The following ELK3 variants were observed in gnomAD, a reference collection of about 807,000 sequenced individuals.
ELK3 encodes ETS transcription factor ELK3.
A neutral mutation model predicts 28.9 loss-of-function variants in ELK3; 10 were observed. That is an observed-to-expected ratio of 0.35 (90% CI 0.21 to 0.59). The LOEUF (loss-of-function observed/expected upper bound fraction) is 0.59, where lower values mean the gene tolerates loss of function less well. ELK3 is among the 20% of genes least tolerant of loss of function. The pLI, the probability that ELK3 is intolerant of heterozygous loss-of-function variation, is 0.82. For missense variants in ELK3, 463 were observed against 517.3 expected (o/e 0.90, Z 1.02); for synonymous variants, 272 against 243.5 (o/e 1.12, Z -1.09).
chr12:96,236,794 C>T (rs1041375622), intron 2 of ELK3, among the ~76,000 whole-genome samples: 2 of 152,182 alleles, frequency 1.3e-5, no homozygotes, highest in African/African-American at 4.8e-5. Flanking sequence ...AACAAATGAC[C>T]CCAAACTTGG....
intron 1 of ELK3, 73 bp downstream of exon 1, chr12:96,194,778 T>C (rs1951449388): frequency 7.0e-6 from 1 of 143,864 alleles, no homozygotes; most frequent in African/African-American, 2.5e-5. Flanking sequence ...TTTTTTTCTT[T>C]CTTTTCTTGG....
intron 2 of ELK3, among the ~76,000 whole-genome samples, chr12:96,231,692 C>T (rs1360419590): frequency 5.3e-5 from 8 of 152,138 alleles, no homozygotes; most frequent in South Asian, 4.1e-4. Flanking sequence ...GGGATTTCAC[C>T]AGACTAGTCT....
intron 2 of ELK3, among the ~76,000 whole-genome samples, chr12:96,232,453 C>A (rs565828981): frequency 3.9e-5 from 6 of 152,030 alleles, no homozygotes; most frequent in South Asian, 2.1e-4. Context: ...GCCTATAAAT[C>A]CCAGCTACTC....
At position 96,214,665 on chromosome 12, in the gene ELK3, T is replaced by C. The variant is rs917412185; in HGVS notation, c.-2-8900T>C. Among the ~76,000 whole-genome samples, 11 of 152,202 alleles carry C rather than the reference T, an allele frequency of 7.2e-5. No homozygotes were observed. The East Asian group carries it at 1.7e-3, about 24-fold the overall frequency. On this transcript the variant is annotated intron_variant, in intron 1 of 4. Transcript: ENST00000228741. ...GATAATGATCAAAATAATTTAAATG[T>C]CCTTTGAAAATAAATTTAATAGTCT...
At chr12:96,264,920 C>T (rs540669326) in intron 4 of ELK3, among the ~76,000 whole-genome samples, 4 of 152,280 alleles carry the variant, frequency 2.6e-5, no homozygotes, top group African/African-American at 9.6e-5. Context: ...AGATAAGAAA[C>T]TAAGGCACAG....
intron 4 of ELK3, among the ~76,000 whole-genome samples, chr12:96,261,203 T>C (rs1256581834): frequency 6.6e-6 from 1 of 152,200 alleles, no homozygotes; most frequent in Non-Finnish European, 1.5e-5. Context: ...GAGGTTTTGA[T>C]TGCCATCTTG....
intron 1 of ELK3, among the ~76,000 whole-genome samples, chr12:96,217,937 C>CAAAA (rs34565681): frequency 0.023 from 1,971 of 85,372 alleles, 51 homozygotes; most frequent in Admixed American, 0.058. Flanking sequence ...GACGCCGTCT[C>CAAAA]AAAAAAAAAA....
At chr12:96,256,946 G>A (rs1197256380) in intron 3 of ELK3, among the ~76,000 whole-genome samples, 2 of 152,198 alleles carry the variant, frequency 1.3e-5, no homozygotes, top group African/African-American at 4.8e-5. Context: ...GATGAACTGA[G>A]TGGGGAAAAT....
intron 3 of ELK3, among the ~76,000 whole-genome samples, chr12:96,252,636 C>G (rs1951916133): frequency 6.6e-6 from 1 of 152,130 alleles, no homozygotes; most frequent in Non-Finnish European, 1.5e-5. Context: ...GTAGAAATAG[C>G]AAGAGAACTA....
chr12:96,228,416 C>CAAAAAAAAAAAAAAA (rs71091236), intron 2 of ELK3, among the ~76,000 whole-genome samples: 12 of 68,326 alleles, frequency 1.8e-4, no homozygotes, highest in African/African-American at 5.9e-4. Context: ...GACTCTGTGT[C>CAAAAAAAAAAAAAAA]AAAAAAAAAA....
At chr12:96,238,090 G>GT (rs1447933340) in intron 2 of ELK3, among the ~76,000 whole-genome samples, 4 of 152,222 alleles carry the variant, frequency 2.6e-5, no homozygotes, top group Admixed American at 1.3e-4. Context: ...GAGATTTTGT[G>GT]TGAGCCTTCT....
chr12:96,220,900 A>T (rs1043961094), intron 1 of ELK3, among the ~76,000 whole-genome samples: 3 of 152,056 alleles, frequency 2.0e-5, no homozygotes, highest in Admixed American at 6.6e-5. Flanking sequence ...GCTTCAGATG[A>T]TGGGCGGGTG....
chr12:96,267,050 T>C (rs771351901), intron 4 of ELK3, 32 bp from the exon 5 acceptor site: 4 of 1,583,178 alleles, frequency 2.5e-6, no homozygotes, highest in Non-Finnish European at 3.4e-6. Flanking sequence ...GGATTTGCAA[T>C]AATTATTGTA....
chr12:96,245,297 C>T (rs1951848142), intron 2 of ELK3, among the ~76,000 whole-genome samples: 1 of 152,168 alleles, frequency 6.6e-6, no homozygotes, highest in East Asian at 1.9e-4. Context: ...AGTTGAATTT[C>T]ATGTCTATTG....
intron 3 of ELK3, among the ~76,000 whole-genome samples, chr12:96,253,623 T>C (rs1375236046): frequency 6.6e-6 from 1 of 152,254 alleles, no homozygotes; most frequent in African/African-American, 2.4e-5. Flanking sequence ...TCATGGATTC[T>C]GTTGGCATCT....
Position 96,203,431 on chromosome 12 carries a change from C to T in ELK3, c.-3+8726C>T, listed in dbSNP as rs538374844. 9.1e-4 allele frequency among the ~76,000 whole-genome samples: 138 copies of T among 152,288 alleles called. 1 individual carries two copies. Among genetic ancestry groups the T allele is most frequent in the Middle Eastern group, 3.4e-3 (1 of 294 alleles). On this transcript the variant is annotated intron_variant, in intron 1 of 4. Transcript: ENST00000228741. Reference sequence around the variant, plus strand: ...TGTGAGCTCCCTCTGGGCCTGCGTCCGTTTTTCTCATCCTTTGTATTATCT... The same window carrying T: ...TGTGAGCTCCCTCTGGGCCTGCGTCTGTTTTTCTCATCCTTTGTATTATCT...
At chr12:96,196,291 G>A (rs1169742933) in intron 1 of ELK3, among the ~76,000 whole-genome samples, 1 of 152,074 alleles carries the variant, frequency 6.6e-6, no homozygotes, top group Non-Finnish European at 1.5e-5. Flanking sequence ...AAACTTTGAA[G>A]TCACTTTGGC....
chr12:96,231,891 C>T (rs1347293110), intron 2 of ELK3, among the ~76,000 whole-genome samples: 2 of 152,188 alleles, frequency 1.3e-5, no homozygotes, highest in African/African-American at 4.8e-5. Context: ...CTCCTTCCTC[C>T]TGAGGGGCTC....
At chr12:96,214,967 TAAG>T (rs1951601038) in intron 1 of ELK3, among the ~76,000 whole-genome samples, 3 of 152,194 alleles carry the variant, frequency 2.0e-5, no homozygotes, top group Non-Finnish European at 4.4e-5. Context: ...GAATTTTCAG[TAAG>T]AAGTGTTCAA....
Sources: allele counts gnomAD v4.1 joint callset (sites outside exome capture counted in the v4.1 genomes callset), GRCh38; gene constraint gnomAD v4.1.1; transcripts MANE v1.5; gene names NCBI Gene and HGNC (gene_info 2026-07-23, HGNC 2026-07-21).